The following ARRB1 variants were observed in gnomAD, a reference collection of about 807,000 sequenced individuals.
ARRB1 encodes the protein beta-arrestin-1.
Under a neutral mutation model 56.8 loss-of-function variants are expected in ARRB1, and 21 were observed. That is an observed-to-expected ratio of 0.37 (90% CI 0.26 to 0.53). The LOEUF is 0.53. ARRB1 is among the 20% of genes least tolerant of loss of function. The probability of loss-of-function intolerance (pLI) is 0.88; values close to 1 mark genes in which losing one functional copy is unlikely to be tolerated. For missense variants in ARRB1, 424 were observed against 553.7 expected, an observed-to-expected ratio of 0.77 and a Z score of 2.35; for synonymous variants, 210 against 218.6, an observed-to-expected ratio of 0.96 and a Z score of 0.35.
At chr11:75,336,847 G>A (rs531316034) in intron 1 of ARRB1, among the ~76,000 whole-genome samples, 3 of 152,128 alleles carry the variant, frequency 2.0e-5, no homozygotes, top group Non-Finnish European at 4.4e-5. Flanking sequence ...TATCACCTCC[G>A]TGGTATGCAT....
chr11:75,269,029 CTG>C (rs1946010225), intron 13 of ARRB1, 70 bp from the exon 14 acceptor site: 7 of 1,531,232 alleles, frequency 4.6e-6, no homozygotes, highest in Non-Finnish European at 5.4e-6. Context: ...TGTCGATGCC[CTG>C]TCAGTCCGAG....
intron 1 of ARRB1, among the ~76,000 whole-genome samples, chr11:75,292,263 C>T (rs1339118066): frequency 1.3e-5 from 2 of 152,070 alleles, no homozygotes; most frequent in Admixed American, 6.6e-5. Context: ...CCTCAGCCTC[C>T]CCTGTAGCTA....
chr11:75,308,045 AGG>A (rs1476868610), intron 1 of ARRB1, among the ~76,000 whole-genome samples: 1 of 152,276 alleles, frequency 6.6e-6, no homozygotes, highest in Non-Finnish European at 1.5e-5. Flanking sequence ...CATCAGGGAC[AGG>A]GGATAGCAGG....
chr11:75,324,845 G>A (rs1006016706), intron 1 of ARRB1, among the ~76,000 whole-genome samples: 1 of 152,130 alleles, frequency 6.6e-6, no homozygotes, highest in Admixed American at 6.5e-5. Context: ...AGAGAGCAAG[G>A]CCCTTCCTAG....
chr11:75,308,093 C>T (rs564117638), intron 1 of ARRB1, among the ~76,000 whole-genome samples: 3 of 152,248 alleles, frequency 2.0e-5, no homozygotes, highest in Admixed American at 6.5e-5. Context: ...CAACACTGGC[C>T]CTCCCTGGGT....
At chr11:75,338,908 T>C (rs757288421) in intron 1 of ARRB1, among the ~76,000 whole-genome samples, 3 of 152,186 alleles carry the variant, frequency 2.0e-5, no homozygotes, top group Non-Finnish European at 4.4e-5. Flanking sequence ...GCCCTGCTAA[T>C]GTGCTGGGTG....
At position 75,281,154 on chromosome 11, in the gene ARRB1, G is replaced by T; in HGVS notation, c.415-12C>A. The T allele has an allele frequency of 6.3e-7, 1 of 1,589,976 alleles. No individual in the cohort carries two copies. On this transcript the variant is annotated splice_polypyrimidine_tract_variant and intron_variant, in intron 6 of 15. Transcript: ENST00000420843. ...TCCACACCGCAAGCCTGTGGGGAAG[G>T]GGTCACTGACCACAGGGCCTTGGAG...
intron 7 of ARRB1, among the ~76,000 whole-genome samples, chr11:75,279,905 T>C (rs946554515): frequency 5.9e-5 from 9 of 152,254 alleles, no homozygotes; most frequent in Admixed American, 1.3e-4. Context: ...TGGCCTCAAG[T>C]AATATGCCTG....
In ARRB1 at chr11:75,320,527, C is replaced by A. The variant is rs544786010; in HGVS notation, c.21-30488G>T. On this transcript the variant is annotated intron_variant, in intron 1 of 15. Transcript: ENST00000420843. ...GAAAGCTTGGGGGGCTGGATAGCCC[C>A]ACCAGAGATGGGGAGGGATCAGTCA... 3.9e-4 allele frequency among the ~76,000 whole-genome samples: 59 copies of A among 152,268 alleles called. 1 individual carries two copies. The highest frequency in any genetic ancestry group is 3.1e-3 in the Admixed American group (47 of 15,300).
chr11:75,269,782 C>A (rs1054174188), intron 13 of ARRB1, among the ~76,000 whole-genome samples: 1 of 152,238 alleles, frequency 6.6e-6, no homozygotes, highest in East Asian at 1.9e-4. Context: ...TTGCCCAAGG[C>A]CACACAGCTA....
intron 1 of ARRB1, among the ~76,000 whole-genome samples, chr11:75,339,265 A>G (rs933455731): frequency 2.0e-5 from 3 of 152,256 alleles, no homozygotes; most frequent in Non-Finnish European, 2.9e-5. Context: ...CCCTCAGGAC[A>G]GTAGACCCTG....
intron 1 of ARRB1, among the ~76,000 whole-genome samples, chr11:75,290,325 A>G (rs547100012): frequency 4.7e-4 from 72 of 152,276 alleles, no homozygotes; most frequent in African/African-American, 1.6e-3. Flanking sequence ...TCTGAGCTCA[A>G]GTGAGGAAAA....
At chr11:75,313,496 GCTGAGGAC>G (rs1296455496) in intron 1 of ARRB1, among the ~76,000 whole-genome samples, 1 of 152,226 alleles carries the variant, frequency 6.6e-6, no homozygotes, top group Non-Finnish European at 1.5e-5. Flanking sequence ...GTAGGCTAAG[GCTGAGGAC>G]AAGAGAGAGA....
chr11:75,281,266 C>A (rs1390958847), intron 6 of ARRB1, 124 bp from the exon 7 acceptor site: 3 of 927,446 alleles, frequency 3.2e-6, no homozygotes, highest in Admixed American at 2.1e-5. Flanking sequence ...CACAGCCCAG[C>A]CTTCCTTGGT....
intron 1 of ARRB1, among the ~76,000 whole-genome samples, chr11:75,351,385 G>C (rs1234400949): frequency 1.3e-5 from 2 of 152,220 alleles, no homozygotes; most frequent in Non-Finnish European, 2.9e-5. Flanking sequence ...GCCCACATGG[G>C]GCGGCCCGGC....
At chr11:75,290,179 G>C in intron 1 of ARRB1, 140 bp from the exon 2 acceptor site, 1 of 962,518 alleles carries the variant, frequency 1.0e-6, no homozygotes, top group South Asian at 1.6e-5. Flanking sequence ...TCCGAACAGT[G>C]CCCATGTAAT....
At chr11:75,349,771 C>A (rs1043444255) in intron 1 of ARRB1, among the ~76,000 whole-genome samples, 3 of 152,254 alleles carry the variant, frequency 2.0e-5, no homozygotes, top group Non-Finnish European at 4.4e-5. Context: ...ACAGTGCTGG[C>A]CAGCCAGCTG....
At chr11:75,310,880 G>A (rs1018886594) in intron 1 of ARRB1, among the ~76,000 whole-genome samples, 1 of 152,172 alleles carries the variant, frequency 6.6e-6, no homozygotes, top group Non-Finnish European at 1.5e-5. Context: ...CCAGGAGGCC[G>A]GCTCCCCAAT....
At chr11:75,315,937 G>A (rs774188726) in intron 1 of ARRB1, among the ~76,000 whole-genome samples, 2 of 152,124 alleles carry the variant, frequency 1.3e-5, no homozygotes, top group Non-Finnish European at 2.9e-5. Context: ...GATATAGCTG[G>A]GTGGGTTTAA....
Sources: gnomAD v4.1 joint callset for allele counts (sites outside exome capture counted in the v4.1 genomes callset) on GRCh38, gnomAD v4.1.1 for gene constraint, MANE v1.5 for transcripts, NCBI Gene and HGNC (gene_info 2026-07-23, HGNC 2026-07-21) for gene names.